ZNF618: variants seen among roughly 807,000 people sequenced by gnomAD.
The protein encoded by ZNF618 is zinc finger protein 618, also known as neural precursor cell expressed, developmentally down-regulated 10.
In ZNF618, 34 loss-of-function variants were observed where a neutral mutation model predicts 103.0. The ratio of observed to expected loss-of-function variants is 0.33; its 90% confidence interval spans 0.25 to 0.44. The LOEUF (loss-of-function observed/expected upper bound fraction) is 0.44. Among genes scored for constraint, ZNF618 ranks in the 20% least tolerant of loss-of-function variants. The pLI is 1.00. For missense variants in ZNF618, 1,059 were observed against 1,295.4 expected (o/e 0.82, Z 2.80); for synonymous variants, 551 against 542.2 (o/e 1.02, Z -0.23).
At chr9:113,893,115 TG>T (rs1196831704) in intron 1 of ZNF618, among the ~76,000 whole-genome samples, 1 of 152,236 alleles carries the variant, frequency 6.6e-6, no homozygotes, top group Non-Finnish European at 1.5e-5. Flanking sequence ...AGACTCGCCT[TG>T]TTAGCTAGAC....
chr9:113,993,047 C>T (rs1449481734), intron 3 of ZNF618, among the ~76,000 whole-genome samples: 1 of 152,190 alleles, frequency 6.6e-6, no homozygotes, highest in Non-Finnish European at 1.5e-5. Flanking sequence ...AACTTAATAA[C>T]TTTGCTGGAT....
Position 114,052,130 on chromosome 9 carries a change from A to T in ZNF618, c.*1963A>T, listed in dbSNP as rs1386750583. 1 of 152,722 alleles carries T rather than the reference A, an allele frequency of 6.5e-6. No homozygotes were observed. Among genetic ancestry groups the T allele is most frequent in the African/African-American group, 2.4e-5 (1 of 41,472 alleles). 9.5% of individuals were successfully genotyped at this position (152,722 alleles called of 1,614,324 possible). A position where few individuals can be genotyped will look rare whatever the true frequency, so the allele number is the denominator to read the frequency against. On this transcript the variant is annotated 3_prime_UTR_variant, in exon 15 of 15. Coordinates refer to ENST00000374126, the MANE Select transcript of ZNF618 (RefSeq NM_001318042.2). The stretch of plus-strand genomic sequence containing the variant: ...ACCACAGCCCTCTCCCCCTGGGTCC[A>T]TGACAGGAGCAGGGAGTAAAGTTGA...
chr9:113,983,346 G>C (rs1015605699), intron 2 of ZNF618, among the ~76,000 whole-genome samples: 3 of 152,336 alleles, frequency 2.0e-5, no homozygotes, highest in Admixed American at 1.3e-4. Context: ...CAAAGCATTT[G>C]AGAAAAGCAA....
At chr9:113,999,400 A>T (rs1339525221) in intron 4 of ZNF618, among the ~76,000 whole-genome samples, 1 of 151,826 alleles carries the variant, frequency 6.6e-6, no homozygotes, top group Non-Finnish European at 1.5e-5. Flanking sequence ...TTTACGCTGC[A>T]TGAGGGGCAG....
chr9:113,969,541 A>G (rs554075960), intron 2 of ZNF618, among the ~76,000 whole-genome samples: 29 of 152,292 alleles, frequency 1.9e-4, no homozygotes, highest in Admixed American at 5.9e-4. Context: ...TGCTAGTGTC[A>G]TGTGCTCCTC....
intron 10 of ZNF618, among the ~76,000 whole-genome samples, chr9:114,020,667 A>G (rs539412072): frequency 7.9e-5 from 12 of 152,270 alleles, no homozygotes; most frequent in African/African-American, 2.6e-4. Flanking sequence ...CAAATTAGCT[A>G]AATTTACTTA....
At chr9:113,959,778 T>G (rs1836669549) in intron 1 of ZNF618, among the ~76,000 whole-genome samples, 1 of 152,156 alleles carries the variant, frequency 6.6e-6, no homozygotes, top group Non-Finnish European at 1.5e-5. Flanking sequence ...TGGCTAATTT[T>G]TTGTATTTTT....
chr9:113,903,462 TA>T (rs1227650250), intron 1 of ZNF618, among the ~76,000 whole-genome samples: 2 of 148,466 alleles, frequency 1.3e-5, no homozygotes, highest in Admixed American at 6.7e-5. Flanking sequence ...TTAGCCCCAA[TA>T]AATCTGCCTC....
At chr9:113,995,022 T>C (rs778168110) in intron 3 of ZNF618, among the ~76,000 whole-genome samples, 1 of 152,122 alleles carries the variant, frequency 6.6e-6, no homozygotes, top group Non-Finnish European at 1.5e-5. Context: ...CTATTTGATA[T>C]CCACCATCAT....
intron 12 of ZNF618, chr9:114,035,216 C>T (rs1379050311): frequency 1.0e-6 from 1 of 985,948 alleles, no homozygotes; most frequent in African/African-American, 1.7e-5. Flanking sequence ...TGATTTCCAA[C>T]CCTTTCCCTC....
intron 1 of ZNF618, 23 bp downstream of exon 1, chr9:113,876,436 T>A: frequency 8.3e-7 from 1 of 1,198,986 alleles, no homozygotes; most frequent in Non-Finnish European, 1.0e-6. Flanking sequence ...GCCGGGGGCA[T>A]GCACCGCGCG....
intron 1 of ZNF618, among the ~76,000 whole-genome samples, chr9:113,948,725 A>G (rs1229076548): frequency 6.6e-6 from 1 of 152,176 alleles, no homozygotes; most frequent in East Asian, 1.9e-4. Flanking sequence ...TTGGGGAAGC[A>G]GTGGGAGTCC....
At chr9:114,029,349 T>C (rs1162597518) in intron 11 of ZNF618, among the ~76,000 whole-genome samples, 3 of 152,240 alleles carry the variant, frequency 2.0e-5, no homozygotes, top group African/African-American at 4.8e-5. Flanking sequence ...TGTAAAACTT[T>C]TGATTTCTAC....
intron 1 of ZNF618, among the ~76,000 whole-genome samples, chr9:113,946,063 C>T (rs1834999151): frequency 6.6e-6 from 1 of 152,166 alleles, no homozygotes; most frequent in South Asian, 2.1e-4. Flanking sequence ...TTAGGCTGTC[C>T]TGCCTTTTCT....
intron 13 of ZNF618, among the ~76,000 whole-genome samples, chr9:114,047,666 T>G (rs1845776553): frequency 6.6e-6 from 1 of 152,198 alleles, no homozygotes; most frequent in Non-Finnish European, 1.5e-5. Context: ...CTTGTTAGTC[T>G]TACCAGCAAT....
At chr9:113,951,011 G>A (rs1280254233) in intron 1 of ZNF618, among the ~76,000 whole-genome samples, 1 of 145,298 alleles carries the variant, frequency 6.9e-6, no homozygotes, top group African/African-American at 2.5e-5. Context: ...AGGAGGAAGG[G>A]AGGGGGGGAC....
intron 9 of ZNF618, among the ~76,000 whole-genome samples, chr9:114,009,170 G>C (rs1166171352): frequency 6.6e-6 from 1 of 152,216 alleles, no homozygotes; most frequent in Non-Finnish European, 1.5e-5. Context: ...GGGTAATTCA[G>C]ATGGGGCTTG....
chr9:114,002,514 G>C lies in ZNF618; in HGVS notation c.512-110G>C, dbSNP rs544528469. ...GAGGCTGGCATCAGGGGCCCGGTGC[G>C]GGACTGTGAGCTCTTCCCCTGTGGC... On this transcript the variant is annotated intron_variant, in intron 5 of 14. Coordinates refer to ENST00000374126, the MANE Select transcript of ZNF618 (RefSeq NM_001318042.2). 4 of 1,247,294 alleles carry C rather than the reference G, an allele frequency of 3.2e-6. No homozygotes were observed. In the Admixed American group the frequency reaches 5.4e-5, roughly 17 times the overall value. The allele number at this position is 1,247,294 out of a possible 1,614,324, so 77.3% of individuals were successfully genotyped here. A position where few individuals can be genotyped will look rare whatever the true frequency, so the allele number is the denominator to read the frequency against.
chr9:114,031,506 C>G (rs1357319902), intron 11 of ZNF618, among the ~76,000 whole-genome samples: 3 of 152,192 alleles, frequency 2.0e-5, no homozygotes, highest in African/African-American at 7.2e-5. Flanking sequence ...CATCCGCAAC[C>G]CTGGCACCCA....
Sources: gnomAD v4.1 joint callset for allele counts (sites outside exome capture counted in the v4.1 genomes callset) on GRCh38, gnomAD v4.1.1 for gene constraint, MANE v1.5 for transcripts, NCBI Gene and HGNC (gene_info 2026-07-23, HGNC 2026-07-21) for gene names.